Variants in PAN3 observed in about 807,000 individuals in gnomAD.
The protein encoded by PAN3 is poly(A) specific ribonuclease subunit PAN3, also known as PAN2-PAN3 deadenylation complex subunit PAN3.
A neutral mutation model predicts 96.2 loss-of-function variants in PAN3; 19 were observed. That is an observed-to-expected ratio of 0.20 (90% confidence interval 0.14 to 0.29). The LOEUF (loss-of-function observed/expected upper bound fraction) is 0.29, where lower values mean the gene tolerates loss of function less well. PAN3 is among the 10% of genes least tolerant of loss of function. The pLI is 1.00. For missense variants in PAN3, 882 were observed against 1,108.1 expected (o/e 0.80, Z 2.90); for synonymous variants, 433 against 406.6 (o/e 1.06, Z -0.78).
intron 1 of PAN3, among the ~76,000 whole-genome samples, chr13:28,168,149 T>C (rs1873829573): frequency 6.6e-6 from 1 of 152,210 alleles, no homozygotes; most frequent in Admixed American, 6.5e-5. Flanking sequence ...CACACAGAGA[T>C]GTAATAGTTC....
At chr13:28,203,949 C>A (rs948323607) in intron 5 of PAN3, among the ~76,000 whole-genome samples, 2 of 151,578 alleles carry the variant, frequency 1.3e-5, no homozygotes, top group Non-Finnish European at 2.9e-5. Flanking sequence ...GATACAGGCA[C>A]ACTCCACCAC....
chr13:28,147,125 A>G (rs1269740267), intron 1 of PAN3, among the ~76,000 whole-genome samples: 1 of 152,268 alleles, frequency 6.6e-6, no homozygotes, highest in Non-Finnish European at 1.5e-5. Context: ...GTCTCATTTC[A>G]GTACTTAGTA....
intron 6 of PAN3, among the ~76,000 whole-genome samples, chr13:28,249,745 C>T (rs755677128): frequency 2.6e-5 from 4 of 152,130 alleles, no homozygotes; most frequent in South Asian, 2.1e-4. Context: ...CCACCGCGCC[C>T]GGCCAATAAG....
At chr13:28,223,445 C>T (rs1881616883) in intron 6 of PAN3, among the ~76,000 whole-genome samples, 1 of 151,966 alleles carries the variant, frequency 6.6e-6, no homozygotes. Context: ...TTTAAGAATC[C>T]CTCCAGTTAT....
Position 28,138,691 on chromosome 13 carries a change from G to A in PAN3, c.34G>A (p.Ala12Thr). The A allele has an allele frequency of 9.7e-7, 1 of 1,027,466 alleles. No homozygotes were observed. Among genetic ancestry groups the A allele is most frequent in the Non-Finnish European group, 1.3e-6 (1 of 777,398 alleles). The allele number at this position is 1,027,466 out of a possible 1,614,324, so 63.6% of individuals were successfully genotyped here. ...TGGCGGCGGCCTCCCGCCCCCCTCG[G>A]CCGCCGCCTCCCCTTCCTCCTCCTC... ...NSGGGLPPPS[A>T]AASPSSSSLA... The change falls in exon 1 of 19, where the codon GCC becomes ACC. Residue 12 changes from alanine to threonine, a missense_variant. Physicochemically the swap from Ala to Thr is moderately conservative, Grantham distance 58. This residue lies in a region of PAN3 where 442 missense variants were observed against 422.8 expected (regional missense o/e 1.05). Transcript: ENST00000380958.
chr13:28,202,371 G>A (rs1223743275), intron 5 of PAN3, among the ~76,000 whole-genome samples: 1 of 152,026 alleles, frequency 6.6e-6, no homozygotes, highest in Non-Finnish European at 1.5e-5. Flanking sequence ...TAGTGAGATT[G>A]TTTATTCCTT....
At chr13:28,209,497 T>G (rs1879775534) in intron 5 of PAN3, among the ~76,000 whole-genome samples, 1 of 152,232 alleles carries the variant, frequency 6.6e-6, no homozygotes, top group Admixed American at 6.5e-5. Context: ...TCATGTTTAA[T>G]AAAAATATAT....
intron 4 of PAN3, among the ~76,000 whole-genome samples, chr13:28,186,259 A>C (rs1876453435): frequency 6.6e-6 from 1 of 152,236 alleles, no homozygotes; most frequent in Non-Finnish European, 1.5e-5. Context: ...GTAATGTGTT[A>C]AGGAGTATTA....
chr13:28,198,309 T>C (rs1303909541), intron 5 of PAN3, among the ~76,000 whole-genome samples: 1 of 151,714 alleles, frequency 6.6e-6, no homozygotes, highest in East Asian at 1.9e-4. Context: ...AAAAGAGTCG[T>C]ATAAAATTTA....
At chr13:28,246,769 A>G (rs1023372434) in intron 6 of PAN3, among the ~76,000 whole-genome samples, 3 of 152,036 alleles carry the variant, frequency 2.0e-5, no homozygotes, top group African/African-American at 7.2e-5. Flanking sequence ...CATTTTTTTT[A>G]TGACTGAAGA....
chr13:28,256,668 T>A, intron 7 of PAN3, 129 bp downstream of exon 7: 1 of 1,013,058 alleles, frequency 9.9e-7, no homozygotes, highest in Non-Finnish European at 1.4e-6. Context: ...CTAACTTAGA[T>A]GAGAAGTCTA....
intron 1 of PAN3, among the ~76,000 whole-genome samples, chr13:28,145,720 A>G (rs1002035928): frequency 2.0e-5 from 3 of 149,860 alleles, no homozygotes; most frequent in Non-Finnish European, 4.4e-5. Context: ...TCTCTGAAGT[A>G]GCTGGGGTGA....
chr13:28,194,475 T>C (rs1312620073), intron 4 of PAN3, among the ~76,000 whole-genome samples: 1 of 143,114 alleles, frequency 7.0e-6, no homozygotes, highest in Non-Finnish European at 1.5e-5. Flanking sequence ...TATTTTTTTT[T>C]TTTTTTTTTT....
intron 4 of PAN3, among the ~76,000 whole-genome samples, chr13:28,184,453 G>A (rs1593428590): frequency 2.0e-5 from 3 of 152,044 alleles, no homozygotes; most frequent in Middle Eastern, 3.4e-3. Context: ...TTTACTCTAG[G>A]GTGAAAAATA....
intron 5 of PAN3, among the ~76,000 whole-genome samples, chr13:28,198,665 T>A (rs921600118): frequency 1.3e-5 from 2 of 152,250 alleles, no homozygotes; most frequent in South Asian, 4.1e-4. Flanking sequence ...TATTGTTTTA[T>A]TAACCAAATT....
At chr13:28,247,652 A>C (rs1361986037) in intron 6 of PAN3, among the ~76,000 whole-genome samples, 1 of 152,196 alleles carries the variant, frequency 6.6e-6, no homozygotes, top group African/African-American at 2.4e-5. Flanking sequence ...GTAGTTATCC[A>C]GTTTCCCAAA....
intron 6 of PAN3, among the ~76,000 whole-genome samples, chr13:28,239,137 A>ACCC (rs1339308407): frequency 2.2e-5 from 1 of 46,282 alleles, no homozygotes. Context: ...TTTTAATCCC[A>ACCC]CCCCCCCCAC....
intron 4 of PAN3, among the ~76,000 whole-genome samples, chr13:28,178,256 T>C (rs1875308382): frequency 6.6e-6 from 1 of 152,184 alleles, no homozygotes; most frequent in African/African-American, 2.4e-5. Flanking sequence ...ATTGTAAGCA[T>C]GTTAATCATG....
chr13:28,277,214 T>C (rs764373107), intron 14 of PAN3, 23 bp from the exon 15 acceptor site: 1 of 1,590,790 alleles, frequency 6.3e-7, no homozygotes, highest in East Asian at 2.2e-5. Context: ...AAATTAAAAG[T>C]TATATTTATT....
Sources: gnomAD v4.1 joint callset for allele counts (sites outside exome capture counted in the v4.1 genomes callset) on GRCh38, gnomAD v4.1.1 for gene constraint, gnomAD v4.1.1 regional missense constraint, MANE v1.5 for transcripts, NCBI Gene and HGNC (gene_info 2026-07-23, HGNC 2026-07-21) for gene names.